KCNK9: variants seen among roughly 807,000 people sequenced by gnomAD.
KCNK9 encodes the protein potassium two pore domain channel subfamily K member 9.
Under a neutral mutation model 10.8 loss-of-function variants are expected in KCNK9, and 1 was observed. That is an observed-to-expected ratio of 0.09 (90% CI 0.03 to 0.44). The LOEUF (loss-of-function observed/expected upper bound fraction) is 0.44, where lower values mean the gene tolerates loss of function less well. KCNK9 is among the 20% of genes least tolerant of loss of function. The pLI is 0.97. For missense variants in KCNK9, 303 were observed against 515.0 expected, an observed-to-expected ratio of 0.59 and a Z score of 3.98; for synonymous variants, 231 against 222.7, an observed-to-expected ratio of 1.04 and a Z score of -0.33.
chr8:139,645,412 C>T (rs910620746), intron 1 of KCNK9, among the ~76,000 whole-genome samples: 1 of 152,070 alleles, frequency 6.6e-6, no homozygotes, highest in African/African-American at 2.4e-5. Context: ...AGGGAGGGGC[C>T]TTCAGGGTCC....
At chr8:139,625,868 A>T (rs1814956346) in intron 1 of KCNK9, among the ~76,000 whole-genome samples, 1 of 152,154 alleles carries the variant, frequency 6.6e-6, no homozygotes, top group South Asian at 2.1e-4. Context: ...TCACTTCAAG[A>T]CACCTGCCAC....
chr8:139,646,117 G>A (rs908468811), intron 1 of KCNK9, among the ~76,000 whole-genome samples: 1 of 151,968 alleles, frequency 6.6e-6, no homozygotes, highest in Non-Finnish European at 1.5e-5. Context: ...TTGTCAAGTT[G>A]GAACTGGATC....
At chr8:139,601,155 T>C (rs1586614378) in exon 3 of KCNK9, 1 of 152,230 alleles carries the variant, frequency 6.6e-6, no homozygotes, top group African/African-American at 2.4e-5. Context: ...TGAGTCTGTT[T>C]ATGAACGCGA....
intron 1 of KCNK9, among the ~76,000 whole-genome samples, chr8:139,670,269 T>C (rs115401807): frequency 0.014 from 2,126 of 152,274 alleles, 51 homozygotes; most frequent in African/African-American, 0.048. Flanking sequence ...TTGATCACCA[T>C]AACGGATTTA....
intron 1 of KCNK9, among the ~76,000 whole-genome samples, chr8:139,699,895 T>C (rs1817160587): frequency 6.6e-6 from 1 of 152,158 alleles, no homozygotes; most frequent in Non-Finnish European, 1.5e-5. Flanking sequence ...CCTTGGAGAT[T>C]TGGGCAAAAA....
downstream of KCNK9, among the ~76,000 whole-genome samples, chr8:139,608,921 C>T (rs997186958): frequency 1.3e-5 from 2 of 152,122 alleles, no homozygotes; most frequent in African/African-American, 2.4e-5. Context: ...CTGGCAGACT[C>T]GGCACATCTT....
chr8:139,683,405 T>A (rs1398390225), intron 1 of KCNK9, among the ~76,000 whole-genome samples: 1 of 152,164 alleles, frequency 6.6e-6, no homozygotes, highest in Non-Finnish European at 1.5e-5. Flanking sequence ...CAGCTCCATC[T>A]CCTCCTCTTC....
chr8:139,610,973 G>C (rs982453560), downstream of KCNK9, among the ~76,000 whole-genome samples: 7 of 152,254 alleles, frequency 4.6e-5, no homozygotes, highest in Non-Finnish European at 1.0e-4. Flanking sequence ...CCTGAGCTGT[G>C]TCTCTGCCTA....
intron 1 of KCNK9, among the ~76,000 whole-genome samples, chr8:139,659,765 G>A (rs926586547): frequency 3.7e-4 from 55 of 149,112 alleles, no homozygotes; most frequent in Non-Finnish European, 7.8e-4. Context: ...TTCATGATCC[G>A]CCTGCCTTGG....
At chr8:139,698,040 T>C (rs1414175963) in intron 1 of KCNK9, among the ~76,000 whole-genome samples, 1 of 152,110 alleles carries the variant, frequency 6.6e-6, no homozygotes, top group Non-Finnish European at 1.5e-5. Context: ...GCAGTTCTAC[T>C]GAAGGGTGGA....
intron 1 of KCNK9, among the ~76,000 whole-genome samples, chr8:139,627,204 T>C (rs963614045): frequency 1.3e-5 from 2 of 152,302 alleles, no homozygotes; most frequent in Middle Eastern, 3.4e-3. Context: ...CACAGCACTT[T>C]ACACTTGACA....
intron 1 of KCNK9, among the ~76,000 whole-genome samples, chr8:139,662,020 G>T (rs1432466117): frequency 6.6e-6 from 1 of 152,216 alleles, no homozygotes; most frequent in African/African-American, 2.4e-5. Context: ...GGTCAGGATG[G>T]TGCTGGTGGG....
At chr8:139,692,854 T>C (rs1035264569) in intron 1 of KCNK9, among the ~76,000 whole-genome samples, 5 of 152,150 alleles carry the variant, frequency 3.3e-5, no homozygotes, top group African/African-American at 7.2e-5. Flanking sequence ...CATGGGACCA[T>C]GCACCCAAGC....
At chr8:139,672,522 T>TA (rs2129737645) in intron 1 of KCNK9, among the ~76,000 whole-genome samples, 1 of 152,290 alleles carries the variant, frequency 6.6e-6, no homozygotes, top group East Asian at 1.9e-4. Context: ...CAGGCCATAT[T>TA]AAAAATCACA....
At chr8:139,641,926 G>A (rs1815518402) in intron 1 of KCNK9, among the ~76,000 whole-genome samples, 1 of 152,230 alleles carries the variant, frequency 6.6e-6, no homozygotes, top group Non-Finnish European at 1.5e-5. Flanking sequence ...CTCAGCTTCT[G>A]TGATGCACAG....
intron 1 of KCNK9, among the ~76,000 whole-genome samples, chr8:139,681,152 C>T (rs1193980905): frequency 6.6e-6 from 1 of 152,168 alleles, no homozygotes; most frequent in African/African-American, 2.4e-5. Flanking sequence ...ACATGTGATC[C>T]CATGTAAGCC....
intron 1 of KCNK9, among the ~76,000 whole-genome samples, chr8:139,625,617 T>C (rs548272226): frequency 9.2e-5 from 14 of 152,242 alleles, no homozygotes; most frequent in African/African-American, 3.1e-4. Context: ...CCCAGCCTGA[T>C]TTTCATGGCC....
chr8:139,676,970 A>ACAG (rs1563747298), intron 1 of KCNK9, among the ~76,000 whole-genome samples: 2 of 151,408 alleles, frequency 1.3e-5, no homozygotes, highest in Non-Finnish European at 2.9e-5. Context: ...CAAACAAACA[A>ACAG]ACAGACAGAC....
At chr8:139,634,744 G>A (rs962539601) in intron 1 of KCNK9, among the ~76,000 whole-genome samples, 2 of 152,258 alleles carry the variant, frequency 1.3e-5, no homozygotes, top group Admixed American at 6.5e-5. Flanking sequence ...GCCTCCTCCC[G>A]AGGTCATTTA....
Sources: gnomAD v4.1 joint callset for allele counts (sites outside exome capture counted in the v4.1 genomes callset) on GRCh38, gnomAD v4.1.1 for gene constraint, MANE v1.5 for transcripts, NCBI Gene and HGNC (gene_info 2026-07-23, HGNC 2026-07-21) for gene names.